The following IQCH variants were observed in gnomAD, a reference collection of about 807,000 sequenced individuals.
IQCH encodes the protein IQ domain-containing protein H.
IQCH carries 98 observed loss-of-function variants against 117.0 expected under a neutral mutation model. The observed-to-expected ratio is 0.84, with a 90% CI of 0.71 to 0.99. IQCH has a LOEUF of 0.99. IQCH is among the 50% of genes least tolerant of loss of function. The probability of loss-of-function intolerance (pLI) is 0.00; values close to 1 mark genes in which losing one functional copy is unlikely to be tolerated. For synonymous variants in IQCH, 412 were observed against 448.2 expected (o/e 0.92, Z 1.02); for missense variants, 1,102 against 1,243.8 (o/e 0.89, Z 1.72).
intron 4 of IQCH, among the ~76,000 whole-genome samples, chr15:67,336,279 G>T (rs1968888178): frequency 2.0e-5 from 3 of 152,100 alleles, no homozygotes; most frequent in African/African-American, 7.2e-5. Flanking sequence ...CCTGCTGAGA[G>T]AACCCAGGTA....
intron 18 of IQCH, among the ~76,000 whole-genome samples, chr15:67,480,001 C>T (rs936373496): frequency 6.6e-6 from 1 of 152,200 alleles, no homozygotes; most frequent in African/African-American, 2.4e-5. Context: ...CTACAGAATA[C>T]CCCCACTGAC....
Position 67,356,867 on chromosome 15 carries a change from T to A in IQCH, c.638-478T>A, listed in dbSNP as rs1443983706. Among the ~76,000 whole-genome samples the A allele has an allele frequency of 6.6e-6, 1 of 152,198 alleles. No homozygotes were observed. Among genetic ancestry groups the A allele is most frequent in the Non-Finnish European group, 1.5e-5 (1 of 68,032 alleles). On this transcript the variant is annotated intron_variant, in intron 6 of 20. Transcript: ENST00000335894. The surrounding 1 kb of genome is among the most constrained non-coding windows in gnomAD (Gnocchi z 5.3). ...TAGACTTAACTAATTTCAAAAATAATCTTTATGGTGCTTTTCACTTGTGTC... is the reference window on the plus strand; with the variant it reads ...TAGACTTAACTAATTTCAAAAATAAACTTTATGGTGCTTTTCACTTGTGTC...
At chr15:67,358,150 C>T (rs1426388642) in intron 7 of IQCH, among the ~76,000 whole-genome samples, 59 of 112,112 alleles carry the variant, frequency 5.3e-4, no homozygotes, top group African/African-American at 1.6e-3. Flanking sequence ...TGAGCCACCA[C>T]GCCTGGCCTT....
In IQCH at chr15:67,490,823, G is replaced by A. The variant is rs936967754; in HGVS notation, c.2861+759G>A. Among the ~76,000 whole-genome samples, 12 of 152,202 alleles carry A rather than the reference G, an allele frequency of 7.9e-5. No individual in the cohort carries two copies. The highest frequency in any genetic ancestry group is 2.7e-4 in the African/African-American group (11 of 41,452). Reference sequence around the variant, plus strand: ...GGCGCAGTCTTCTCAAGGTACGCATGCACTGAGCACAGGCTGCTGGCAACA... The same window carrying A: ...GGCGCAGTCTTCTCAAGGTACGCATACACTGAGCACAGGCTGCTGGCAACA... On this transcript the variant is annotated intron_variant, in intron 19 of 20. Coordinates refer to ENST00000335894, the MANE Select transcript of IQCH (RefSeq NM_001031715.3). The surrounding 1 kb of genome is among the most constrained non-coding windows in gnomAD (Gnocchi z 4.9).
At chr15:67,352,024 C>A (rs564872780) in intron 6 of IQCH, among the ~76,000 whole-genome samples, 120 of 151,604 alleles carry the variant, frequency 7.9e-4, no homozygotes, top group African/African-American at 2.8e-3. Context: ...TGTGCCTTGC[C>A]CTGTTTTGTT....
intron 13 of IQCH, among the ~76,000 whole-genome samples, chr15:67,396,259 G>A (rs1415549435): frequency 1.3e-5 from 2 of 152,140 alleles, no homozygotes; most frequent in African/African-American, 4.8e-5. Flanking sequence ...GGGTCAGATT[G>A]CAGAGGGCCT....
chr15:67,482,945 T>C (rs978148608), intron 18 of IQCH, among the ~76,000 whole-genome samples: 1 of 152,162 alleles, frequency 6.6e-6, no homozygotes, highest in African/African-American at 2.4e-5. Context: ...GACTCTTACA[T>C]CTCTCACATA....
intron 6 of IQCH, among the ~76,000 whole-genome samples, chr15:67,355,216 T>A (rs1206117043): frequency 6.6e-6 from 1 of 152,192 alleles, no homozygotes; most frequent in Non-Finnish European, 1.5e-5. Flanking sequence ...TTTAACTGCA[T>A]GTTCTTAAAA....
At chr15:67,265,793 G>A (rs527757912) in intron 3 of IQCH, among the ~76,000 whole-genome samples, 9 of 152,318 alleles carry the variant, frequency 5.9e-5, no homozygotes, top group African/African-American at 1.9e-4. Flanking sequence ...TCAGAGTCTG[G>A]CATGGACTGC....
Position 67,479,378 on chromosome 15 carries a change from G to A in IQCH, c.2799+3560G>A, listed in dbSNP as rs1373217031. ...TCTACAAAGTCAAGCATGATTCTTC[G>A]TCTTACACAAGGTGTCCCCTATATA... On this transcript the variant is annotated intron_variant, in intron 18 of 20. Coordinates refer to ENST00000335894, the MANE Select transcript of IQCH (RefSeq NM_001031715.3). The surrounding 1 kb of genome is among the most constrained non-coding windows in gnomAD (Gnocchi z 4.6). Among the ~76,000 whole-genome samples the A allele has an allele frequency of 2.0e-5, 3 of 152,040 alleles. No homozygotes were observed. Among genetic ancestry groups the A allele is most frequent in the African/African-American group, 2.4e-5 (1 of 41,380 alleles).
chr15:67,489,336 T>G (rs959674900), intron 18 of IQCH, among the ~76,000 whole-genome samples: 2 of 150,822 alleles, frequency 1.3e-5, no homozygotes, highest in Non-Finnish European at 3.0e-5. Flanking sequence ...CCCGGCCAAT[T>G]TTTTTTGAGA....
At chr15:67,485,106 T>A (rs4438259) in intron 18 of IQCH, among the ~76,000 whole-genome samples, 130,829 of 152,080 alleles carry the variant, frequency 0.86, 56,329 homozygotes, top group Middle Eastern at 0.9. Flanking sequence ...AGTCTCTGCC[T>A]ACCAAGCATT....
At chr15:67,379,866 T>G (rs1177415850) in intron 10 of IQCH, among the ~76,000 whole-genome samples, 1 of 152,182 alleles carries the variant, frequency 6.6e-6, no homozygotes, top group Non-Finnish European at 1.5e-5. Context: ...CTTTCTTTTT[T>G]TTTGAGATGG....
chr15:67,434,096 G>A (rs2082076467), intron 16 of IQCH, among the ~76,000 whole-genome samples: 1 of 151,924 alleles, frequency 6.6e-6, no homozygotes. Flanking sequence ...GTGGTCAGAA[G>A]TTAAGATCTA....
In IQCH at chr15:67,475,325, A is replaced by C. The variant is rs2083177259; in HGVS notation, c.2677-371A>C. 6.6e-6 allele frequency among the ~76,000 whole-genome samples: 1 copy of C among 152,068 alleles called. No homozygotes were observed. On this transcript the variant is annotated intron_variant, in intron 17 of 20. Transcript: ENST00000335894. The surrounding 1 kb of genome is among the most constrained non-coding windows in gnomAD (Gnocchi z 5.7). ...ACCCCTGTCTCTACAAAAAAATAAT[A>C]AAGTTAACCAGGTGTGGTGGCATGC...
chr15:67,485,040 A>G (rs906692502), intron 18 of IQCH, among the ~76,000 whole-genome samples: 1 of 152,194 alleles, frequency 6.6e-6, no homozygotes, highest in Non-Finnish European at 1.5e-5. Flanking sequence ...ACTCTTCAAC[A>G]TAATCTATGA....
In IQCH at chr15:67,454,757, A is replaced by G. The variant is rs76830775; in HGVS notation, c.2506-10370A>G. Among the ~76,000 whole-genome samples the G allele has an allele frequency of 6.0e-4, 91 of 152,328 alleles. 2 individuals are homozygous for G. The East Asian group carries it at 0.017, about 28-fold the overall frequency. On this transcript the variant is annotated intron_variant, in intron 16 of 20. Transcript: ENST00000335894. This position sits in a 1 kb window ranked among gnomAD's most constrained non-coding sequence, Gnocchi z 5.2. The stretch of plus-strand genomic sequence containing the variant: ...GCTTTGTTCCTTTTCATGGCTTAAT[A>G]ATATCCCATTGTACGGCTATACCAC...
chr15:67,261,934 A>T (rs1003150878), intron 2 of IQCH, among the ~76,000 whole-genome samples: 8 of 152,086 alleles, frequency 5.3e-5, no homozygotes, highest in South Asian at 2.1e-4. Context: ...AAAATTTTTT[A>T]AAAAATTAGC....
rs1448729256 is a variant in IQCH at position 67,466,187 on chromosome 15, A to T, written c.2676+890A>T. Among the ~76,000 whole-genome samples, 5 of 152,146 alleles carry T rather than the reference A, an allele frequency of 3.3e-5. No homozygotes were observed. The highest frequency in any genetic ancestry group is 5.9e-5 in the Non-Finnish European group (4 of 68,036). On this transcript the variant is annotated intron_variant, in intron 17 of 20. Transcript: ENST00000335894. The surrounding 1 kb of genome is among the most constrained non-coding windows in gnomAD (Gnocchi z 4.4). Reference sequence around the variant, plus strand: ...GGGCTGGCTGCGGGTTACCAACCTCAGCACCCTGAGTAACAAAGGGCATAG... The same window carrying T: ...GGGCTGGCTGCGGGTTACCAACCTCTGCACCCTGAGTAACAAAGGGCATAG...
Sources: allele counts gnomAD v4.1 joint callset (sites outside exome capture counted in the v4.1 genomes callset), GRCh38; gene constraint gnomAD v4.1.1; non-coding constraint Gnocchi (gnomAD v3.1); transcripts MANE v1.5; gene names NCBI Gene and HGNC (gene_info 2026-07-23, HGNC 2026-07-21).